Variants in TRIM9 observed in about 807,000 individuals in gnomAD.
The protein encoded by TRIM9 is tripartite motif containing 9.
Under a neutral mutation model 78.3 loss-of-function variants are expected in TRIM9, and 26 were observed. The ratio of observed to expected loss-of-function variants is 0.33; its 90% CI spans 0.24 to 0.46. TRIM9 has a LOEUF of 0.46. Ranked by LOEUF, TRIM9 falls within the 20% of genes least tolerant of loss-of-function variation. The pLI is 1.00. For synonymous variants in TRIM9, 398 were observed against 416.5 expected, an observed-to-expected ratio of 0.96 and a Z score of 0.54; for missense variants, 787 against 1,036.4, an observed-to-expected ratio of 0.76 and a Z score of 3.30.
chr14:51,024,888 C>G (rs767115993), intron 2 of TRIM9, among the ~76,000 whole-genome samples: 7 of 152,064 alleles, frequency 4.6e-5, no homozygotes, highest in Non-Finnish European at 1.0e-4. Context: ...GGCCTGTTAC[C>G]ATTAAATGAT....
At chr14:51,006,475 T>C in intron 5 of TRIM9, among the ~76,000 whole-genome samples, 1 of 152,190 alleles carries the variant, frequency 6.6e-6, no homozygotes, top group East Asian at 1.9e-4. Flanking sequence ...AGTTCTATTG[T>C]GTCATGACCT....
chr14:51,064,577 T>G (rs556112763), intron 1 of TRIM9, among the ~76,000 whole-genome samples: 65 of 151,920 alleles, frequency 4.3e-4, no homozygotes, highest in African/African-American at 1.5e-3. Context: ...ACAGAAATAT[T>G]TCAAAGTTGG....
At chr14:51,071,139 G>A (rs1177325747) in intron 1 of TRIM9, among the ~76,000 whole-genome samples, 2 of 152,082 alleles carry the variant, frequency 1.3e-5, no homozygotes, top group Non-Finnish European at 2.9e-5. Context: ...AGCACTTTGA[G>A]GCCAGGGTGG....
At chr14:51,065,198 G>A (rs564436131) in intron 1 of TRIM9, among the ~76,000 whole-genome samples, 3 of 152,130 alleles carry the variant, frequency 2.0e-5, no homozygotes, top group African/African-American at 7.2e-5. Flanking sequence ...ATGTGGGCAC[G>A]TGCATATTGC....
intron 1 of TRIM9, among the ~76,000 whole-genome samples, chr14:51,031,147 CAAAAAAA>C (rs1210514761): frequency 2.0e-5 from 2 of 100,768 alleles, no homozygotes; most frequent in African/African-American, 4.0e-5. Flanking sequence ...AAACTCTTTC[CAAAAAAA>C]AAAAAAAAAA....
chr14:50,996,192 T>A (rs2054184536), intron 7 of TRIM9: 1 of 984,206 alleles, frequency 1.0e-6, no homozygotes. Context: ...CTTATATTTG[T>A]ACACAATATA....
At chr14:51,025,935 G>T (rs562355441) in intron 1 of TRIM9, among the ~76,000 whole-genome samples, 6 of 152,204 alleles carry the variant, frequency 3.9e-5, no homozygotes, top group African/African-American at 1.4e-4. Context: ...TAGCACATTT[G>T]TGTCCTCTCC....
intron 1 of TRIM9, among the ~76,000 whole-genome samples, chr14:51,044,725 C>A (rs2140011558): frequency 6.6e-6 from 1 of 152,286 alleles, no homozygotes; most frequent in South Asian, 2.1e-4. Flanking sequence ...AAGAATAAAT[C>A]ATGAGTTTAA....
chr14:51,066,087 A>AGGAAGGAAGGAAGGAG (rs1555346990), intron 1 of TRIM9, among the ~76,000 whole-genome samples: 1 of 72,372 alleles, frequency 1.4e-5, no homozygotes, highest in African/African-American at 5.6e-5. Context: ...GAAGGAAGGA[A>AGGAAGGAAGGAAGGAG]GGAGGGAGGG....
chr14:51,054,084 C>A (rs10149698), intron 1 of TRIM9, among the ~76,000 whole-genome samples: 9,111 of 152,172 alleles, frequency 0.06, 294 homozygotes, highest in East Asian at 0.09. Flanking sequence ...CTTTAGAAAT[C>A]ATTTTGACAT....
At chr14:51,021,119 T>C (rs944446096) in intron 3 of TRIM9, among the ~76,000 whole-genome samples, 4 of 152,212 alleles carry the variant, frequency 2.6e-5, no homozygotes, top group African/African-American at 4.8e-5. Context: ...GCTATAACAA[T>C]AAAAGTTTTG....
chr14:51,047,020 G>C (rs746006664), intron 1 of TRIM9, among the ~76,000 whole-genome samples: 2 of 152,162 alleles, frequency 1.3e-5, no homozygotes, highest in Non-Finnish European at 2.9e-5. Flanking sequence ...ACTTAAGATA[G>C]AGTCACCTTT....
chr14:51,009,347 TCTGA>T (rs1335429420), intron 4 of TRIM9, 114 bp from the exon 5 acceptor site: 5 of 1,278,898 alleles, frequency 3.9e-6, no homozygotes, highest in Middle Eastern at 2.4e-4. Context: ...GGACTCATAC[TCTGA>T]CTGCCTCAGT....
At chr14:50,988,097 C>T (rs1035940245) in intron 7 of TRIM9, among the ~76,000 whole-genome samples, 3 of 152,132 alleles carry the variant, frequency 2.0e-5, no homozygotes, top group East Asian at 1.9e-4. Flanking sequence ...CTACCACACC[C>T]GGACTAAAAG....
At chr14:51,015,458 T>G (rs1188475660) in intron 3 of TRIM9, among the ~76,000 whole-genome samples, 2 of 151,784 alleles carry the variant, frequency 1.3e-5, no homozygotes, top group Non-Finnish European at 2.9e-5. Context: ...CTTTTAAAAT[T>G]TTTCTTTATC....
intron 3 of TRIM9, among the ~76,000 whole-genome samples, chr14:51,016,897 G>C (rs1429946835): frequency 6.6e-6 from 1 of 152,192 alleles, no homozygotes; most frequent in South Asian, 2.1e-4. Context: ...CATGGATATG[G>C]AGGGCTGACT....
chr14:50,982,553 G>T (rs1311702679), intron 10 of TRIM9: 1 of 311,616 alleles, frequency 3.2e-6, no homozygotes, highest in African/African-American at 2.1e-5. Flanking sequence ...TATCCCTTCG[G>T]CAGAAGTGCT....
chr14:51,067,360 C>T (rs549588802), intron 1 of TRIM9, among the ~76,000 whole-genome samples: 115 of 152,308 alleles, frequency 7.6e-4, no homozygotes, highest in Non-Finnish European at 1.0e-3. Context: ...TCCTGGACCA[C>T]GACAACAGCC....
chr14:50,995,579 A>G (rs1001783733), intron 7 of TRIM9, among the ~76,000 whole-genome samples: 7 of 152,262 alleles, frequency 4.6e-5, no homozygotes, highest in Non-Finnish European at 8.8e-5. Context: ...AAAGATGAGC[A>G]ATTTAAACCT....
Sources: allele counts gnomAD v4.1 joint callset (sites outside exome capture counted in the v4.1 genomes callset), GRCh38; gene constraint gnomAD v4.1.1; transcripts MANE v1.5; gene names NCBI Gene and HGNC (gene_info 2026-07-23, HGNC 2026-07-21).